CBY1: variants seen among roughly 807,000 people sequenced by gnomAD.
CBY1 encodes chibby 1, beta catenin antagonist, also known as protein chibby homolog 1.
A neutral mutation model predicts 15.6 loss-of-function variants in CBY1; 10 were observed. The observed-to-expected ratio is 0.64, with a 90% CI of 0.40 to 1.09. The LOEUF is 1.09. Among genes scored for constraint, CBY1 ranks in the 50% least tolerant of loss-of-function variants. The pLI, the probability that CBY1 is intolerant of heterozygous loss-of-function variation, is 0.01. For synonymous variants in CBY1, 61 were observed against 63.5 expected (o/e 0.96, Z 0.19); for missense variants, 150 against 160.5 (o/e 0.93, Z 0.35).
chr22:38,658,209 T>A lies in CBY1; in HGVS notation c.-39+1459T>A, dbSNP rs563166248. 1.9e-4 allele frequency among the ~76,000 whole-genome samples: 29 copies of A among 152,164 alleles called. 1 individual carries two copies. Among genetic ancestry groups the A allele is most frequent in the Admixed American group, 1.9e-3 (29 of 15,268 alleles). On this transcript the variant is annotated intron_variant, in intron 1 of 4. Transcript: ENST00000216029. ...GGTGCAATTTCAGCTCACTGCAACC[T>A]CTGCCTCCTGGGTTCAAGCAATTAT...
At chr22:38,667,877 G>A (rs1163404161) in intron 1 of CBY1, 140 bp from the exon 2 acceptor site, 1 of 600,372 alleles carries the variant, frequency 1.7e-6, no homozygotes, top group East Asian at 2.8e-5. Context: ...ATTTCAACAT[G>A]AGTTTTGGTG....
intron 1 of CBY1, chr22:38,665,451 C>T (rs947111873): frequency 2.6e-6 from 1 of 379,430 alleles, no homozygotes; most frequent in Non-Finnish European, 4.7e-6. Flanking sequence ...GGGACCAGAA[C>T]GAGACCCTGT....
intron 4 of CBY1, 46 bp from the exon 5 acceptor site, chr22:38,673,113 T>C (rs757330351): frequency 5.6e-6 from 8 of 1,422,800 alleles, no homozygotes; most frequent in African/African-American, 1.4e-5. Flanking sequence ...CCCGAAACAT[T>C]TCCTAGAAAT....
chr22:38,673,105 C>T (rs757087248), intron 4 of CBY1, 54 bp from the exon 5 acceptor site: 92 of 1,363,970 alleles, frequency 6.7e-5, no homozygotes, highest in Non-Finnish European at 8.9e-5. Context: ...CTTGCTAACC[C>T]GAAACATTTC....
chr22:38,670,669 G>A (rs961802097), intron 2 of CBY1: 4 of 505,296 alleles, frequency 7.9e-6, no homozygotes, highest in Non-Finnish European at 1.4e-5. Flanking sequence ...TAGCTTTTCT[G>A]GAAAACATCT....
rs764872687 is a variant in CBY1 at position 38,671,022 on chromosome 22, A to G, written c.184+33A>G. The G allele has an allele frequency of 2.1e-5, 34 of 1,612,610 alleles. 2 individuals are homozygous for G. In the South Asian group the frequency reaches 3.7e-4, roughly 18 times the overall value. ...GCACTTCCTGCCATTTTGTCAAACAAGATTGTAGGAGGAAATCCCCCTTTA... is the reference window on the plus strand; with the variant it reads ...GCACTTCCTGCCATTTTGTCAAACAGGATTGTAGGAGGAAATCCCCCTTTA... On this transcript the variant is annotated intron_variant, in intron 3 of 4. Coordinates refer to ENST00000216029, the MANE Select transcript of CBY1 (RefSeq NM_015373.4).
intron 1 of CBY1, among the ~76,000 whole-genome samples, chr22:38,665,310 A>C (rs1195725429): frequency 2.0e-5 from 3 of 152,140 alleles, no homozygotes; most frequent in South Asian, 4.1e-4. Context: ...TTAAAAATGC[A>C]GAAAATTAGC....
At position 38,673,182 on chromosome 22, in the gene CBY1, C is replaced by T. The variant is rs1008873372; in HGVS notation, c.327C>T (p.Ser109=). The T allele has an allele frequency of 3.7e-6, 6 of 1,612,280 alleles. No individual in the cohort carries two copies. Among genetic ancestry groups the T allele is most frequent in the Non-Finnish European group, 5.1e-6 (6 of 1,178,562 alleles). Residue 109 remains serine, a synonymous_variant, in exon 5 of 5, where the codon TCC becomes TCT. Coordinates refer to ENST00000216029, the MANE Select transcript of CBY1 (RefSeq NM_015373.4). ...LDMLSESTAE[S]HLMEKELDEL... ...AGCTTTCAGAGTCCACTGCTGAATC[C>T]CACTTAATGGAGAAGGAACTGGATG...
At chr22:38,656,801 G>A (rs2092397952) in intron 1 of CBY1, 51 bp downstream of exon 1, 1 of 152,252 alleles carries the variant, frequency 6.6e-6, no homozygotes, top group Admixed American at 6.5e-5. Context: ...GGTTCACTCG[G>A]GGGCCCGAGC....
chr22:38,660,320 G>A (rs5750656), intron 1 of CBY1, among the ~76,000 whole-genome samples: 44,601 of 151,288 alleles, frequency 0.29, 6,645 homozygotes, highest in East Asian at 0.36. Flanking sequence ...TCAGCCCCCC[G>A]AGTAGCTGGG....
intron 1 of CBY1, chr22:38,666,373 C>T (rs1213077503): frequency 6.6e-6 from 1 of 152,092 alleles, no homozygotes; most frequent in African/African-American, 2.4e-5. Context: ...AGCCACTGCT[C>T]CCAGCCTAAA....
chr22:38,657,059 TACCTCTGAACTCCTTGGGGG>T, intron 1 of CBY1: 1 of 903,400 alleles, frequency 1.1e-6, no homozygotes, highest in Non-Finnish European at 1.3e-6. Flanking sequence ...GTAACATGGC[TACCTCTGAACTCCTTGGGGG>T]ACACGTATAT....
chr22:38,658,286 C>A (rs2092409304), intron 1 of CBY1, among the ~76,000 whole-genome samples: 1 of 151,662 alleles, frequency 6.6e-6, no homozygotes, highest in South Asian at 2.1e-4. Flanking sequence ...CCACCACACC[C>A]GACTAATTTT....
At chr22:38,660,644 A>ACACG (rs773196641) in intron 1 of CBY1, among the ~76,000 whole-genome samples, 39 of 148,958 alleles carry the variant, frequency 2.6e-4, no homozygotes, top group Non-Finnish European at 4.9e-4. Flanking sequence ...ACACACACAC[A>ACACG]CGCAGACGCA....
chr22:38,659,985 T>A (rs972442766), intron 1 of CBY1, among the ~76,000 whole-genome samples: 15 of 152,070 alleles, frequency 9.9e-5, no homozygotes, highest in African/African-American at 3.6e-4. Context: ...CATGTCCAAG[T>A]CTTTCTGGAG....
chr22:38,660,524 CAT>C (rs1222210740), intron 1 of CBY1, among the ~76,000 whole-genome samples: 7 of 151,996 alleles, frequency 4.6e-5, no homozygotes, highest in African/African-American at 1.2e-4. Flanking sequence ...ATGTGCCTCA[CAT>C]GTTACTAATA....
chr22:38,660,910 A>G (rs1000683999), intron 1 of CBY1, among the ~76,000 whole-genome samples: 2 of 151,958 alleles, frequency 1.3e-5, no homozygotes, highest in African/African-American at 2.4e-5. Flanking sequence ...TGTCCTTTAC[A>G]TAAGATTACA....
At chr22:38,671,031 G>A (rs751452395) in intron 3 of CBY1, 39 bp from the exon 4 acceptor site, 1 of 1,612,394 alleles carries the variant, frequency 6.2e-7, no homozygotes, top group South Asian at 1.1e-5. Context: ...AAGATTGTAG[G>A]AGGAAATCCC....
chr22:38,660,996 G>C (rs1020245791), intron 1 of CBY1, among the ~76,000 whole-genome samples: 3 of 152,116 alleles, frequency 2.0e-5, no homozygotes, highest in Admixed American at 2.0e-4. Flanking sequence ...GCCTTACAAT[G>C]TGTTTTGGAT....
Sources: gnomAD v4.1 joint callset for allele counts (sites outside exome capture counted in the v4.1 genomes callset) on GRCh38, gnomAD v4.1.1 for gene constraint, MANE v1.5 for transcripts, NCBI Gene and HGNC (gene_info 2026-07-23, HGNC 2026-07-21) for gene names.